RANBP3: variants seen among roughly 807,000 people sequenced by gnomAD.
The protein encoded by RANBP3 is ran-binding protein 3.
RANBP3 carries 14 observed loss-of-function variants against 77.3 expected under a neutral mutation model. The observed-to-expected ratio is 0.18, with a 90% CI of 0.12 to 0.28. The LOEUF (loss-of-function observed/expected upper bound fraction) is 0.28, where lower values mean the gene tolerates loss of function less well. Ranked by LOEUF, RANBP3 falls within the 10% of genes least tolerant of loss-of-function variation. The pLI, the probability that RANBP3 is intolerant of heterozygous loss-of-function variation, is 1.00. For synonymous variants in RANBP3, 315 were observed against 312.4 expected (o/e 1.01, Z -0.09); for missense variants, 586 against 752.3 (o/e 0.78, Z 2.59).
In RANBP3 at chr19:5,931,620, G is replaced by C; in HGVS notation, c.566-89C>G. ...TAGCTGAGGGGCTGGGCCACGTCTA[G>C]TCTAGGGCCCCTCCCATGGTAAAGC... On this transcript the variant is annotated intron_variant, in intron 7 of 16. Coordinates refer to ENST00000340578, the MANE Select transcript of RANBP3 (RefSeq NM_007322.3). The C allele has an allele frequency of 2.1e-6, 3 of 1,404,904 alleles. 1 individual carries two copies. Among genetic ancestry groups the C allele is most frequent in the South Asian group, 2.8e-5 (2 of 71,048 alleles). 87.0% of individuals were successfully genotyped at this position (1,404,904 alleles called of 1,614,324 possible). A position where few individuals can be genotyped will look rare whatever the true frequency, so the allele number is the denominator to read the frequency against.
At chr19:5,943,870 A>C (rs1050910842) in intron 3 of RANBP3, among the ~76,000 whole-genome samples, 1 of 152,192 alleles carries the variant, frequency 6.6e-6, no homozygotes, top group Non-Finnish European at 1.5e-5. Context: ...CCAAAACGCA[A>C]TGCCATCAAG....
intron 3 of RANBP3, among the ~76,000 whole-genome samples, chr19:5,946,155 C>T (rs891200380): frequency 1.3e-5 from 2 of 152,226 alleles, no homozygotes; most frequent in African/African-American, 4.8e-5. Context: ...TAAGTTCATG[C>T]TCACTCCCTA....
At chr19:5,929,162 A>C (rs1373851152) in intron 8 of RANBP3, among the ~76,000 whole-genome samples, 1 of 152,224 alleles carries the variant, frequency 6.6e-6, no homozygotes, top group Non-Finnish European at 1.5e-5. Flanking sequence ...AAGGAAGTGA[A>C]AAGTGTAAAT....
chr19:5,960,501 C>T (rs1272499771), intron 1 of RANBP3, among the ~76,000 whole-genome samples: 1 of 152,194 alleles, frequency 6.6e-6, no homozygotes, highest in Non-Finnish European at 1.5e-5. Flanking sequence ...ATATAAACTC[C>T]ATAAGATCCG....
chr19:5,927,932 TAAA>T, intron 9 of RANBP3, 33 bp downstream of exon 9: 1 of 1,578,758 alleles, frequency 6.3e-7, no homozygotes, highest in Non-Finnish European at 8.6e-7. Context: ...GGGGAAGGCA[TAAA>T]AAGTCAATGT....
chr19:5,940,387 T>A (rs2058120160), intron 5 of RANBP3, among the ~76,000 whole-genome samples: 1 of 152,082 alleles, frequency 6.6e-6, no homozygotes, highest in South Asian at 2.1e-4. Context: ...GGTGCAAAGA[T>A]CCTTAAATTA....
intron 5 of RANBP3, among the ~76,000 whole-genome samples, chr19:5,940,012 G>A (rs1455899461): frequency 3.3e-5 from 5 of 152,268 alleles, no homozygotes; most frequent in Non-Finnish European, 7.3e-5. Flanking sequence ...TTCCCAGGGT[G>A]TGGGCCAGCC....
intron 9 of RANBP3, among the ~76,000 whole-genome samples, chr19:5,927,147 G>T (rs2057922134): frequency 6.6e-6 from 1 of 152,138 alleles, no homozygotes; most frequent in African/African-American, 2.4e-5. Context: ...AGCTGCTAGA[G>T]ATGCCGTAGC....
In RANBP3 at chr19:5,924,231, C is replaced by T. The variant is rs909134109; in HGVS notation, c.997-317G>A. On this transcript the variant is annotated intron_variant, in intron 11 of 16. Transcript: ENST00000340578. The surrounding 1 kb of genome is among the most constrained non-coding windows in gnomAD (Gnocchi z 4.7). Reference sequence around the variant, plus strand: ...AAGAGAAGCTGCAGAGTACTTAATGCAGCCTAACTCCAGACAGAGCTAGAG... The same window carrying T: ...AAGAGAAGCTGCAGAGTACTTAATGTAGCCTAACTCCAGACAGAGCTAGAG... 1.3e-5 allele frequency among the ~76,000 whole-genome samples: 2 copies of T among 152,264 alleles called. No homozygotes were observed. Among genetic ancestry groups the T allele is most frequent in the African/African-American group, 4.8e-5 (2 of 41,476 alleles).
chr19:5,954,580 T>G (rs562847473), intron 2 of RANBP3, among the ~76,000 whole-genome samples: 117 of 152,152 alleles, frequency 7.7e-4, no homozygotes, highest in African/African-American at 2.8e-3. Flanking sequence ...AGTGTCACTC[T>G]TTTCCAAGGA....
At position 5,958,110 on chromosome 19, in the gene RANBP3, A is replaced by G. The variant is rs2058356980; in HGVS notation, c.23-137T>C. 6 of 797,692 alleles carry G rather than the reference A, an allele frequency of 7.5e-6. No individual in the cohort carries two copies. The East Asian group carries it at 1.6e-4, about 21-fold the overall frequency. The allele number at this position is 797,692 out of a possible 1,614,324, so 49.4% of individuals were successfully genotyped here. ...CAGAGAACATCAAATCACTTAGAAC[A>G]GCGTCTTGACTCGGATGCCTGGAGG... is the stretch of plus-strand genomic sequence containing the variant. On this transcript the variant is annotated intron_variant, in intron 1 of 16. Coordinates refer to ENST00000340578, the MANE Select transcript of RANBP3 (RefSeq NM_007322.3). The surrounding 1 kb of genome is among the most constrained non-coding windows in gnomAD (Gnocchi z 4.4).
intron 5 of RANBP3, among the ~76,000 whole-genome samples, chr19:5,937,951 C>T (rs1734132162): frequency 6.6e-6 from 1 of 152,156 alleles, no homozygotes; most frequent in South Asian, 2.1e-4. Context: ...GGCTCTGTGC[C>T]CCCATCCAGA....
intron 3 of RANBP3, chr19:5,950,845 G>T (rs2058265427): frequency 6.4e-6 from 1 of 157,330 alleles, no homozygotes; most frequent in Non-Finnish European, 1.4e-5. Flanking sequence ...ATTCCTTCTG[G>T]GTTCAAAGGA....
intron 8 of RANBP3, among the ~76,000 whole-genome samples, chr19:5,928,600 G>T (rs1015608962): frequency 1.3e-5 from 2 of 151,976 alleles, no homozygotes; most frequent in East Asian, 1.9e-4. Context: ...GTGTGTGTGT[G>T]TATGTGTGGT....
intron 1 of RANBP3, among the ~76,000 whole-genome samples, chr19:5,964,853 G>GGGC (rs1555765278): frequency 1.4e-4 from 4 of 27,954 alleles, no homozygotes; most frequent in East Asian, 2.1e-3. Flanking sequence ...GTGGTAGGGT[G>GGGC]GGGGGGGGGG....
chr19:5,953,762 G>A (rs961400164), intron 2 of RANBP3, among the ~76,000 whole-genome samples: 1 of 152,206 alleles, frequency 6.6e-6, no homozygotes, highest in East Asian at 1.9e-4. Context: ...GCATGTAAAC[G>A]CAGGCGTTTC....
chr19:5,977,168 C>G (rs1047457173), intron 1 of RANBP3, among the ~76,000 whole-genome samples: 9 of 152,104 alleles, frequency 5.9e-5, no homozygotes, highest in African/African-American at 2.2e-4. Flanking sequence ...CAGAGCCAGA[C>G]AGGTAGAGAG....
intron 1 of RANBP3, among the ~76,000 whole-genome samples, chr19:5,975,232 C>A (rs941636530): frequency 6.6e-6 from 1 of 152,178 alleles, no homozygotes; most frequent in Non-Finnish European, 1.5e-5. Context: ...CAAAGTCCAC[C>A]AAGATTTGAT....
At chr19:5,977,998 C>A (rs376946242) in intron 1 of RANBP3, 63 bp downstream of exon 1, 1 of 1,598,836 alleles carries the variant, frequency 6.3e-7, no homozygotes, top group South Asian at 1.1e-5. Flanking sequence ...GGGCTTGTGG[C>A]CCCTAGTCCT....
Sources: gnomAD v4.1 joint callset for allele counts (sites outside exome capture counted in the v4.1 genomes callset) on GRCh38, gnomAD v4.1.1 for gene constraint, Gnocchi (gnomAD v3.1) non-coding constraint, MANE v1.5 for transcripts, NCBI Gene and HGNC (gene_info 2026-07-23, HGNC 2026-07-21) for gene names.